The following FAT3 variants were observed in gnomAD, a reference collection of about 807,000 sequenced individuals.
FAT3 encodes protocadherin Fat 3.
FAT3 carries 95 observed loss-of-function variants against 310.2 expected under a neutral mutation model. The observed-to-expected ratio is 0.31, with a 90% CI of 0.26 to 0.36. FAT3 has a LOEUF of 0.36. FAT3 is among the 10% of genes least tolerant of loss of function. The pLI is 1.00. For missense variants in FAT3, 5,408 were observed against 5,715.6 expected (o/e 0.95, Z 1.74); for synonymous variants, 2,314 against 2,192.9 (o/e 1.06, Z -1.54).
At chr11:92,436,560 G>T (rs1950944869) in intron 2 of FAT3, among the ~76,000 whole-genome samples, 3 of 152,138 alleles carry the variant, frequency 2.0e-5, no homozygotes, top group Admixed American at 6.5e-5. Flanking sequence ...CAAGGACCTA[G>T]CTCTTCCACT....
At chr11:92,810,344 T>C (rs1240280618) in intron 13 of FAT3, among the ~76,000 whole-genome samples, 1 of 152,202 alleles carries the variant, frequency 6.6e-6, no homozygotes, top group East Asian at 1.9e-4. Flanking sequence ...TTGGTTTGTT[T>C]GGGTTTTGTT....
In FAT3 at chr11:92,893,111, G is replaced by A. The variant is rs995525420; in HGVS notation, c.*1998G>A. 5.3e-5 allele frequency: 8 copies of A among 151,840 alleles called. No individual in the cohort carries two copies. Among genetic ancestry groups the A allele is most frequent in the Non-Finnish European group, 7.4e-5 (5 of 67,956 alleles). 9.4% of individuals were successfully genotyped at this position (151,840 alleles called of 1,614,324 possible). A position where few individuals can be genotyped will look rare whatever the true frequency, so the allele number is the denominator to read the frequency against. Reference sequence around the variant, plus strand: ...ACATATTTTTAGTTATTTCAATTGCGTTTAATCCACTTCTTTTTTATGAGT... The same window carrying A: ...ACATATTTTTAGTTATTTCAATTGCATTTAATCCACTTCTTTTTTATGAGT... On this transcript the variant is annotated 3_prime_UTR_variant, in exon 28 of 28. Transcript: ENST00000525166.
Position 92,699,810 on chromosome 11 carries a change from G to C in FAT3, c.3669+2365G>C, listed in dbSNP as rs1396119569. Among the ~76,000 whole-genome samples, 6 of 152,306 alleles carry C rather than the reference G, an allele frequency of 3.9e-5. No individual in the cohort carries two copies. In the East Asian group the frequency reaches 1.2e-3, roughly 29 times the overall value. On this transcript the variant is annotated intron_variant, in intron 4 of 27. Transcript: ENST00000525166. ...ATACATGTAAAACATCCAGTCCAGT[G>C]GTGCTAAGTAGGTGCTTAGTAAAGT...
intron 2 of FAT3, among the ~76,000 whole-genome samples, chr11:92,408,455 C>T (rs943942419): frequency 6.6e-6 from 1 of 152,126 alleles, no homozygotes; most frequent in African/African-American, 2.4e-5. Context: ...TTAGGCTCTC[C>T]GAGCCTTAGT....
intron 23 of FAT3, among the ~76,000 whole-genome samples, chr11:92,882,265 C>G (rs920512877): frequency 6.6e-6 from 1 of 152,138 alleles, no homozygotes. Flanking sequence ...TGGGATACTA[C>G]GGCCAGCACC....
intron 2 of FAT3, among the ~76,000 whole-genome samples, chr11:92,445,442 A>G (rs1003506618): frequency 6.6e-6 from 1 of 151,992 alleles, no homozygotes; most frequent in African/African-American, 2.4e-5. Context: ...AAGAGTTCCC[A>G]ACTGGTTCCT....
At chr11:92,442,081 T>TTTTATATATA (rs1355599282) in intron 2 of FAT3, among the ~76,000 whole-genome samples, 15 of 69,988 alleles carry the variant, frequency 2.1e-4, no homozygotes, top group African/African-American at 1.2e-3. Context: ...AATATATATT[T>TTTTATATATA]TATATATATA....
chr11:92,809,917 G>A lies in FAT3; in HGVS notation c.9322G>A (p.Gly3108Arg), dbSNP rs761440770. ...VYSLMAKATD[G>R]GGRFCQSNIH... ...CAGCCTGATGGCCAAGGCCACTGAC[G>A]GGGGTGGCAGGTTCTGCCAGTCCAA... Residue 3108 changes from glycine (G) to arginine (R), a missense_variant, in exon 13 of 28, where the codon GGG (glycine) becomes AGG (arginine). Physicochemically the swap from Gly to Arg is moderately radical, Grantham distance 125 (BLOSUM62 -2). Coordinates refer to ENST00000525166, the MANE Select transcript of FAT3 (RefSeq NM_001367949.2). The A allele has an allele frequency of 6.2e-6, 10 of 1,613,834 alleles. No individual in the cohort carries two copies. The highest frequency in any genetic ancestry group is 3.3e-5 in the South Asian group (3 of 91,074).
At chr11:92,514,714 C>T (rs751504758) in intron 2 of FAT3, among the ~76,000 whole-genome samples, 1 of 151,974 alleles carries the variant, frequency 6.6e-6, no homozygotes, top group East Asian at 1.9e-4. Context: ...ATATGGCACA[C>T]GAGGAAGGAA....
chr11:92,332,459 T>C (rs1373455828), intron 1 of FAT3, among the ~76,000 whole-genome samples: 1 of 152,218 alleles, frequency 6.6e-6, no homozygotes, highest in Admixed American at 6.5e-5. Flanking sequence ...ACCAAGCTTG[T>C]CTAACCTGCC....
At chr11:92,700,078 A>C (rs1944052287) in intron 4 of FAT3, among the ~76,000 whole-genome samples, 1 of 152,172 alleles carries the variant, frequency 6.6e-6, no homozygotes, top group African/African-American at 2.4e-5. Flanking sequence ...AAATGAATAA[A>C]TGCTGTAACT....
At chr11:92,694,079 T>G (rs1369943956) in intron 3 of FAT3, among the ~76,000 whole-genome samples, 2 of 152,218 alleles carry the variant, frequency 1.3e-5, no homozygotes, top group Non-Finnish European at 2.9e-5. Flanking sequence ...TGCAATAAAC[T>G]TCACCTATTC....
chr11:92,607,660 G>T (rs111496106), intron 3 of FAT3, among the ~76,000 whole-genome samples: 16 of 152,214 alleles, frequency 1.1e-4, no homozygotes, highest in African/African-American at 3.4e-4. Flanking sequence ...TTCAAATGCT[G>T]AGCATCCTTG....
chr11:92,850,400 G>C (rs1242440531), intron 19 of FAT3, among the ~76,000 whole-genome samples: 1 of 152,206 alleles, frequency 6.6e-6, no homozygotes, highest in African/African-American at 2.4e-5. Context: ...AGCTGCCCCA[G>C]AGAGGAGGTC....
chr11:92,239,277 C>T (rs1019763292), intron 1 of FAT3, among the ~76,000 whole-genome samples: 1 of 152,136 alleles, frequency 6.6e-6, no homozygotes, highest in Non-Finnish European at 1.5e-5. Context: ...CTGTCTTCAG[C>T]CTTACTCATA....
intron 2 of FAT3, among the ~76,000 whole-genome samples, chr11:92,427,003 C>A (rs1293547440): frequency 6.6e-6 from 1 of 152,158 alleles, no homozygotes; most frequent in East Asian, 1.9e-4. Context: ...TCTTCCTATC[C>A]ATGAGCATGC....
At position 92,836,586 on chromosome 11, in the gene FAT3, C is replaced by T; in HGVS notation, c.10107C>T (p.Asp3369=). 1 of 1,613,614 alleles carries T rather than the reference C, an allele frequency of 6.2e-7. No homozygotes were observed. Among genetic ancestry groups the T allele is most frequent in the Non-Finnish European group, 8.5e-7 (1 of 1,179,760 alleles). The change falls in exon 16 of 28, where the codon GAC becomes GAT. Residue 3369 remains aspartate, a synonymous_variant. Coordinates refer to ENST00000525166, the MANE Select transcript of FAT3 (RefSeq NM_001367949.2). ...TGAAGCTAATAGCAGAAGATGTAGACAGCCAGCCCAACGGACAGATTCATT... is the reference window on the plus strand; with the variant it reads ...TGAAGCTAATAGCAGAAGATGTAGATAGCCAGCCCAACGGACAGATTCATT... The part of the protein sequence containing the change: ...SVILLIAEDV[D]SQPNGQIHFS...
intron 2 of FAT3, among the ~76,000 whole-genome samples, chr11:92,388,345 C>T (rs545742381): frequency 6.6e-6 from 1 of 152,220 alleles, no homozygotes; most frequent in East Asian, 1.9e-4. Flanking sequence ...GGAGATGCCT[C>T]CTGATCTCCC....
chr11:92,283,392 C>T (rs2134371137), intron 1 of FAT3, among the ~76,000 whole-genome samples: 1 of 152,266 alleles, frequency 6.6e-6, no homozygotes, highest in Non-Finnish European at 1.5e-5. Context: ...AAATCATTTT[C>T]CAACACATCC....
Sources: gnomAD v4.1 joint callset for allele counts (sites outside exome capture counted in the v4.1 genomes callset) on GRCh38, gnomAD v4.1.1 for gene constraint, MANE v1.5 for transcripts, NCBI Gene and HGNC (gene_info 2026-07-23, HGNC 2026-07-21) for gene names.